Variants in INTS9 observed in about 807,000 individuals in gnomAD.
INTS9 encodes the protein protein related to CPSF subunits of 74 kDa.
In INTS9, 55 loss-of-function variants were observed where a neutral mutation model predicts 79.7. That is an observed-to-expected ratio of 0.69 (90% CI 0.56 to 0.86). INTS9 has a LOEUF of 0.86. Ranked by LOEUF, INTS9 falls within the 40% of genes least tolerant of loss-of-function variation. The pLI is 0.00. For missense variants in INTS9, 721 were observed against 831.5 expected (o/e 0.87, Z 1.64); for synonymous variants, 319 against 325.2 (o/e 0.98, Z 0.20).
At chr8:28,847,596 G>A (rs1266095246) in intron 3 of INTS9, among the ~76,000 whole-genome samples, 1 of 152,144 alleles carries the variant, frequency 6.6e-6, no homozygotes, top group Non-Finnish European at 1.5e-5. Flanking sequence ...TAAACCAAAT[G>A]TATTTATTCA....
chr8:28,874,098 T>G (rs1281508905), intron 1 of INTS9, among the ~76,000 whole-genome samples: 1 of 151,980 alleles, frequency 6.6e-6, no homozygotes, highest in Non-Finnish European at 1.5e-5. Context: ...CTAAGCTCCC[T>G]AATTCTTCTT....
intron 8 of INTS9, among the ~76,000 whole-genome samples, chr8:28,804,725 A>G (rs1031754425): frequency 2.0e-5 from 3 of 152,212 alleles, no homozygotes; most frequent in Non-Finnish European, 2.9e-5. Flanking sequence ...ATCTATCCCC[A>G]CAGGGAGAAT....
chr8:28,810,788 G>T (rs1362588434), intron 8 of INTS9, among the ~76,000 whole-genome samples: 1 of 152,126 alleles, frequency 6.6e-6, no homozygotes, highest in Non-Finnish European at 1.5e-5. Flanking sequence ...TACCAAAAAG[G>T]AGTAAGTATC....
intron 6 of INTS9, among the ~76,000 whole-genome samples, chr8:28,824,914 TA>T (rs1806058907): frequency 1.3e-5 from 2 of 152,206 alleles, no homozygotes; most frequent in Non-Finnish European, 2.9e-5. Flanking sequence ...TGATATATAA[TA>T]TAATGCATGT....
intron 9 of INTS9, 26 bp downstream of exon 9, chr8:28,796,518 A>G (rs557746801): frequency 2.4e-6 from 3 of 1,237,270 alleles, no homozygotes; most frequent in Non-Finnish European, 2.4e-6. Context: ...AGATCATCCA[A>G]CGTAAGATGA....
chr8:28,843,931 A>G (rs1031689955), intron 4 of INTS9, among the ~76,000 whole-genome samples: 3 of 152,132 alleles, frequency 2.0e-5, no homozygotes, highest in African/African-American at 7.2e-5. Flanking sequence ...TATGGGTCCC[A>G]TGGTTATTCA....
chr8:28,778,077 A>C, intron 12 of INTS9, 124 bp from the exon 13 acceptor site: 1 of 1,062,238 alleles, frequency 9.4e-7, no homozygotes, highest in Non-Finnish European at 1.3e-6. Context: ...CAGGAAGCAC[A>C]CGTGGGGGAC....
chr8:28,781,896 C>T (rs141588342), intron 11 of INTS9, among the ~76,000 whole-genome samples: 15 of 152,234 alleles, frequency 9.9e-5, no homozygotes, highest in South Asian at 8.3e-4. Context: ...GAAAGCACAA[C>T]GCCAAGGGAA....
chr8:28,790,317 C>T (rs1803851090), intron 10 of INTS9, among the ~76,000 whole-genome samples: 1 of 152,114 alleles, frequency 6.6e-6, no homozygotes, highest in Non-Finnish European at 1.5e-5. Flanking sequence ...TAGCAGCTAT[C>T]CATTTTGGTA....
intron 1 of INTS9, among the ~76,000 whole-genome samples, chr8:28,865,124 T>C (rs1399745521): frequency 6.6e-6 from 1 of 151,714 alleles, no homozygotes; most frequent in Non-Finnish European, 1.5e-5. Context: ...TATAATCATA[T>C]TATTGAAAAA....
intron 11 of INTS9, among the ~76,000 whole-genome samples, chr8:28,781,966 C>T (rs1221390507): frequency 6.6e-6 from 1 of 152,106 alleles, no homozygotes; most frequent in African/African-American, 2.4e-5. Context: ...GTTCATCAGC[C>T]GTAGCAAACG....
chr8:28,850,190 T>C, intron 3 of INTS9, 23 bp downstream of exon 3: 1 of 1,601,514 alleles, frequency 6.2e-7, no homozygotes, highest in Middle Eastern at 1.7e-4. Context: ...AGATAGGCTT[T>C]AGTTTGTAGT....
intron 16 of INTS9, chr8:28,769,636 G>GT: frequency 2.1e-6 from 1 of 470,892 alleles, no homozygotes; most frequent in East Asian, 4.0e-5. Context: ...ACATGTGTGT[G>GT]TGGAAGCAGC....
intron 4 of INTS9, among the ~76,000 whole-genome samples, chr8:28,839,796 T>C (rs1261916558): frequency 2.0e-5 from 3 of 151,662 alleles, no homozygotes; most frequent in Admixed American, 1.3e-4. Flanking sequence ...TAATTCAAGA[T>C]GGATTAAAGA....
At chr8:28,841,971 C>T (rs778475803) in intron 4 of INTS9, among the ~76,000 whole-genome samples, 17 of 152,084 alleles carry the variant, frequency 1.1e-4, no homozygotes, top group Non-Finnish European at 2.5e-4. Flanking sequence ...CACATGTAGT[C>T]CCAGCTACTC....
chr8:28,859,311 G>T, intron 2 of INTS9, 125 bp downstream of exon 2: 2 of 1,066,792 alleles, frequency 1.9e-6, no homozygotes, highest in Non-Finnish European at 1.4e-6. Context: ...TTTTGATAAA[G>T]AACATTTTTA....
chr8:28,884,911 A>G (rs1810103869), intron 1 of INTS9, among the ~76,000 whole-genome samples: 1 of 152,242 alleles, frequency 6.6e-6, no homozygotes, highest in African/African-American at 2.4e-5. Flanking sequence ...ACAGGATTCT[A>G]CAACCATGTA....
At position 28,858,974 on chromosome 8, in the gene INTS9, T is replaced by G. The variant is rs181357785; in HGVS notation, c.137+462A>C. 5.6e-4 allele frequency among the ~76,000 whole-genome samples: 85 copies of G among 152,316 alleles called. No individual in the cohort carries two copies. In the East Asian group the frequency reaches 0.012, roughly 22 times the overall value. Reference sequence around the variant, plus strand: ...GAGGCAATCTGTCTCATTTAAGATATGAACTTGGGCTACATATGTGGTTCT... The same window carrying G: ...GAGGCAATCTGTCTCATTTAAGATAGGAACTTGGGCTACATATGTGGTTCT... On this transcript the variant is annotated intron_variant, in intron 2 of 16. Transcript: ENST00000521022.
At chr8:28,774,593 G>C (rs1802760324) in intron 14 of INTS9, among the ~76,000 whole-genome samples, 1 of 152,168 alleles carries the variant, frequency 6.6e-6, no homozygotes, top group Admixed American at 6.5e-5. Flanking sequence ...GATGGCACCT[G>C]GTGGTCCCTA....
Sources: gnomAD v4.1 joint callset for allele counts (sites outside exome capture counted in the v4.1 genomes callset) on GRCh38, gnomAD v4.1.1 for gene constraint, MANE v1.5 for transcripts, NCBI Gene and HGNC (gene_info 2026-07-23, HGNC 2026-07-21) for gene names.